Variants in ATP2C2 observed in about 807,000 individuals in gnomAD.
ATP2C2 encodes ATPase secretory pathway Ca2+ transporting 2, also known as calcium-transporting ATPase type 2C member 2.
ATP2C2 carries 171 observed loss-of-function variants against 110.8 expected under a neutral mutation model. That is an observed-to-expected ratio of 1.54 (90% CI 1.36 to 1.75). The LOEUF is 1.75. Among genes scored for constraint, ATP2C2 ranks in the 40% most tolerant of loss-of-function variants. The probability of loss-of-function intolerance (pLI) is 0.00; values close to 1 mark genes in which losing one functional copy is unlikely to be tolerated. For synonymous variants in ATP2C2, 804 were observed against 508.4 expected (o/e 1.58, Z -7.82); for missense variants, 1,963 against 1,235.0 (o/e 1.59, Z -8.84).
In ATP2C2 at chr16:84,405,116, C is replaced by T. The variant is rs367671680; in HGVS notation, c.211-12C>T. Reference sequence around the variant, plus strand: ...GCCCATGAGTGAGCTTGTGCCTGACCTCTCCTTCCAGGTGGACTTACACAC... The same window carrying T: ...GCCCATGAGTGAGCTTGTGCCTGACTTCTCCTTCCAGGTGGACTTACACAC... On this transcript the variant is annotated splice_polypyrimidine_tract_variant and intron_variant, in intron 2 of 26. Coordinates refer to ENST00000262429, the MANE Select transcript of ATP2C2 (RefSeq NM_014861.4). 19 of 1,611,504 alleles carry T rather than the reference C, an allele frequency of 1.2e-5. No individual in the cohort carries two copies. The Admixed American group carries it at 2.2e-4, about 18-fold the overall frequency.
At chr16:84,451,824 A>G in intron 17 of ATP2C2, 97 bp from the exon 18 acceptor site, 6 of 1,293,868 alleles carry the variant, frequency 4.6e-6, no homozygotes, top group Non-Finnish European at 6.4e-6. Context: ...GGCGATAAGA[A>G]CAAAACTCTC....
intron 6 of ATP2C2, among the ~76,000 whole-genome samples, chr16:84,413,829 T>A (rs1246498987): frequency 3.3e-5 from 5 of 152,090 alleles, no homozygotes; most frequent in Non-Finnish European, 5.9e-5. Flanking sequence ...GGTGCAGGCA[T>A]CAAATATTTA....
intron 1 of ATP2C2, among the ~76,000 whole-genome samples, chr16:84,396,465 G>A (rs540591099): frequency 1.3e-5 from 2 of 149,584 alleles, no homozygotes; most frequent in Middle Eastern, 3.2e-3. Context: ...CAGGAGACTC[G>A]CTTGAACCCG....
In ATP2C2 at chr16:84,459,190, T is replaced by G; in HGVS notation, c.2216+2T>G. The G allele has an allele frequency of 1.2e-6, 2 of 1,614,230 alleles. No individual in the cohort carries two copies. The highest frequency in any genetic ancestry group is 8.5e-7 in the Non-Finnish European group (1 of 1,180,036). On this transcript the variant is annotated splice_donor_variant, in intron 22 of 26. Coordinates refer to ENST00000262429, the MANE Select transcript of ATP2C2 (RefSeq NM_014861.4). LOFTEE classifies it high-confidence loss of function. ...CTTTGTCCGATTCCAGCTGAGCACG[T>G]AAGTAGAGGCCAGCATTCCGAGTGT... is the stretch of plus-strand genomic sequence containing the variant.
chr16:84,403,394 C>G (rs975022820), intron 2 of ATP2C2, among the ~76,000 whole-genome samples: 2 of 152,258 alleles, frequency 1.3e-5, no homozygotes, highest in East Asian at 3.9e-4. Flanking sequence ...CAGCCTCCAC[C>G]TCCTGGGCTT....
chr16:84,391,302 G>A (rs910741581), intron 1 of ATP2C2, among the ~76,000 whole-genome samples: 1 of 152,080 alleles, frequency 6.6e-6, no homozygotes, highest in African/African-American at 2.4e-5. Context: ...CTACAGCCTC[G>A]GACCCTTCAG....
At position 84,430,990 on chromosome 16, in the gene ATP2C2, G is replaced by A. The variant is rs141232316; in HGVS notation, c.986+5189G>A. ...CTTGGCGGCCATTGGCAATGGGCTC[G>A]AGTTTGTTTGCCCCATGAATATGTA... On this transcript the variant is annotated intron_variant, in intron 11 of 26. Transcript: ENST00000262429. Among the ~76,000 whole-genome samples, 212 of 152,174 alleles carry A rather than the reference G, an allele frequency of 1.4e-3. 2 individuals carry two copies. The highest frequency in any genetic ancestry group is 4.8e-3 in the African/African-American group (199 of 41,518).
At chr16:84,412,465 T>C (rs1289147466) in intron 6 of ATP2C2, among the ~76,000 whole-genome samples, 4 of 148,876 alleles carry the variant, frequency 2.7e-5, no homozygotes, top group South Asian at 2.1e-4. Flanking sequence ...TGTCTCCGTG[T>C]GTGTGTCTGT....
intron 14 of ATP2C2, among the ~76,000 whole-genome samples, chr16:84,442,060 T>G (rs1234879792): frequency 6.6e-6 from 1 of 151,642 alleles, no homozygotes; most frequent in African/African-American, 2.4e-5. Flanking sequence ...TCCCACTCTT[T>G]TTGCTTGTCT....
rs1567470064 is a variant in ATP2C2, at chr16:84,462,267, G to A, written c.2722+138G>A. ...ACCAGGGGCCGGCTCTGTCTTCAGG[G>A]CCCTTCTGTCCTCACAGGAAGGGAC... On this transcript the variant is annotated intron_variant, in intron 26 of 26. Transcript: ENST00000262429. 9 of 1,176,130 alleles carry A rather than the reference G, an allele frequency of 7.7e-6. No homozygotes were observed. In the South Asian group the frequency reaches 1.0e-4, roughly 14 times the overall value. 72.9% of individuals were successfully genotyped at this position (1,176,130 alleles called of 1,614,324 possible).
At chr16:84,430,780 G>A (rs2150555324) in intron 11 of ATP2C2, among the ~76,000 whole-genome samples, 1 of 152,228 alleles carries the variant, frequency 6.6e-6, no homozygotes, top group South Asian at 2.1e-4. Context: ...GGGTAAGTCT[G>A]GCCTCCTTTT....
In ATP2C2 at chr16:84,446,313, C is replaced by T; in HGVS notation, c.1402-16C>T. ...TTCGGATGACTCACTAAAAATGTGTCATTTTATTATGCTAGATGGACTTAA... is the reference window on the plus strand; with the variant it reads ...TTCGGATGACTCACTAAAAATGTGTTATTTTATTATGCTAGATGGACTTAA... On this transcript the variant is annotated splice_polypyrimidine_tract_variant and intron_variant, in intron 15 of 26. Coordinates refer to ENST00000262429, the MANE Select transcript of ATP2C2 (RefSeq NM_014861.4). 3 of 1,490,670 alleles carry T rather than the reference C, an allele frequency of 2.0e-6. No homozygotes were observed. Among genetic ancestry groups the T allele is most frequent in the Non-Finnish European group, 2.7e-6 (3 of 1,094,790 alleles). The allele number at this position is 1,490,670 out of a possible 1,614,324, so 92.3% of individuals were successfully genotyped here. A position where few individuals can be genotyped will look rare whatever the true frequency, so the allele number is the denominator to read the frequency against.
intron 23 of ATP2C2, chr16:84,460,370 T>C (rs552786604): frequency 8.3e-6 from 4 of 480,154 alleles, no homozygotes; most frequent in Admixed American, 3.4e-5. Flanking sequence ...CTCGGGGTGA[T>C]GGAGATCATC....
At chr16:84,415,231 C>T (rs1007900851) in intron 6 of ATP2C2, among the ~76,000 whole-genome samples, 2 of 152,256 alleles carry the variant, frequency 1.3e-5, no homozygotes, top group East Asian at 1.9e-4. Context: ...ATGTGGCCCA[C>T]GTGGTTTCCA....
intron 3 of ATP2C2, chr16:84,406,461 C>A: frequency 2.4e-6 from 1 of 415,390 alleles, no homozygotes; most frequent in Non-Finnish European, 3.2e-6. Context: ...CCCCAGGCTT[C>A]AACCGCCTTC....
intron 13 of ATP2C2, among the ~76,000 whole-genome samples, chr16:84,440,229 C>G (rs1909118773): frequency 6.6e-6 from 1 of 152,238 alleles, no homozygotes; most frequent in Non-Finnish European, 1.5e-5. Flanking sequence ...AACTTCTGGG[C>G]TCAAGGGATC....
chr16:84,405,782 T>C (rs2150520334), intron 3 of ATP2C2, among the ~76,000 whole-genome samples: 1 of 152,192 alleles, frequency 6.6e-6, no homozygotes, highest in East Asian at 1.9e-4. Flanking sequence ...TAGCCGGATG[T>C]GGTAGTGGAT....
At chr16:84,436,215 G>A (rs1251516522) in intron 11 of ATP2C2, among the ~76,000 whole-genome samples, 5 of 152,218 alleles carry the variant, frequency 3.3e-5, no homozygotes, top group African/African-American at 2.4e-5. Context: ...TGTTGCCAAC[G>A]TTTAAAAATT....
chr16:84,376,143 T>A (rs1294983432), intron 1 of ATP2C2, among the ~76,000 whole-genome samples: 1 of 152,068 alleles, frequency 6.6e-6, no homozygotes, highest in Non-Finnish European at 1.5e-5. Context: ...TGCGACCCCT[T>A]GCGGCTTCCC....
Sources: allele counts gnomAD v4.1 joint callset (sites outside exome capture counted in the v4.1 genomes callset), GRCh38; gene constraint gnomAD v4.1.1; transcripts MANE v1.5; gene names NCBI Gene and HGNC (gene_info 2026-07-23, HGNC 2026-07-21).